Variants in COPA observed in about 807,000 individuals in gnomAD.
The protein encoded by COPA is coat protein complex I subunit alpha.
In COPA, 10 loss-of-function variants were observed where a neutral mutation model predicts 158.7. That is an observed-to-expected ratio of 0.06 (90% CI 0.04 to 0.11). The LOEUF (loss-of-function observed/expected upper bound fraction) is 0.11. Among genes scored for constraint, COPA ranks in the 10% least tolerant of loss-of-function variants. COPA has a pLI of 1.00. For missense variants in COPA, 1,065 were observed against 1,536.7 expected (o/e 0.69, Z 5.13); for synonymous variants, 462 against 542.8 (o/e 0.85, Z 2.07).
rs1466873949 is a variant in COPA, at chr1:160,294,466, G to A, written c.2676+18C>T. ...GGAGATACGGAGAGAACCTTCTAAG[G>A]GTACAAATTCCACATACCAGCTCAG... On this transcript the variant is annotated intron_variant, in intron 25 of 32. Transcript: ENST00000241704. The A allele has an allele frequency of 1.2e-6, 2 of 1,606,686 alleles. No homozygotes were observed. The highest frequency in any genetic ancestry group is 4.5e-5 in the East Asian group (2 of 44,848).
rs1263561347 is a variant in COPA, at chr1:160,305,500, C to A, written c.1600G>T (p.Ala534Ser). The A allele has an allele frequency of 6.2e-7, 1 of 1,614,166 alleles. No homozygotes were observed. The highest frequency in any genetic ancestry group is 1.1e-5 in the South Asian group (1 of 91,086). The part of the protein sequence containing the change: ...IHENIRVKSG[A>S]WDESGVFIYT... ...ATAAATACCCCACTCTCATCCCAGG[C>A]CCCACTCTTGACACGAATGTTCTCA... is the stretch of plus-strand genomic sequence containing the variant. The change falls in exon 17 of 33, where the codon GCC becomes TCC. Residue 534 changes from alanine (A) to serine (S), a missense_variant. Coordinates refer to ENST00000241704, the MANE Select transcript of COPA (RefSeq NM_004371.4).
intron 8 of COPA, among the ~76,000 whole-genome samples, chr1:160,315,668 A>T (rs1336058671): frequency 6.6e-6 from 1 of 152,218 alleles, no homozygotes; most frequent in Non-Finnish European, 1.5e-5. Context: ...AGCAAGCCAA[A>T]CAGAGAAAAC....
chr1:160,335,397 T>C, intron 3 of COPA, 75 bp from the exon 4 acceptor site: 4 of 1,172,322 alleles, frequency 3.4e-6, no homozygotes, highest in Non-Finnish European at 4.8e-6. Flanking sequence ...TTGATATCTT[T>C]ACAGAGATAG....
chr1:160,313,478 G>A lies in COPA; in HGVS notation c.843-311C>T, dbSNP rs538337425. Among the ~76,000 whole-genome samples, 437 of 151,696 alleles carry A rather than the reference G, an allele frequency of 2.9e-3. 1 individual carries two copies. Among genetic ancestry groups the A allele is most frequent in the Non-Finnish European group, 4.9e-3 (336 of 67,968 alleles). Reference sequence around the variant, plus strand: ...TGCCCAGGCTGGAGTGCAGTGGCGCGATCTCGGCTCACTGCAAGCTCCACC... The same window carrying A: ...TGCCCAGGCTGGAGTGCAGTGGCGCAATCTCGGCTCACTGCAAGCTCCACC... On this transcript the variant is annotated intron_variant, in intron 9 of 32. Transcript: ENST00000241704.
chr1:160,305,257 A>T, intron 17 of COPA, 176 bp downstream of exon 17: 1 of 564,926 alleles, frequency 1.8e-6, no homozygotes, highest in Non-Finnish European at 3.1e-6. Flanking sequence ...TTTGTTTTAG[A>T]TTTCTCAATT....
intron 4 of COPA, among the ~76,000 whole-genome samples, chr1:160,334,553 AAAT>A (rs1647673194): frequency 1.3e-5 from 2 of 152,346 alleles, no homozygotes; most frequent in Middle Eastern, 3.4e-3. Flanking sequence ...TTAAAAAAAG[AAAT>A]AATATATACT....
At chr1:160,317,645 T>G in intron 8 of COPA, 1 of 1,528,656 alleles carries the variant, frequency 6.5e-7, no homozygotes, top group South Asian at 1.1e-5. Context: ...GAACTGGGAA[T>G]GGAGGAAGAA....
chr1:160,295,867 G>A lies in COPA; in HGVS notation c.2353-8C>T. On this transcript the variant is annotated splice_polypyrimidine_tract_variant and splice_region_variant and intron_variant, in intron 22 of 32. Transcript: ENST00000241704. Reference sequence around the variant, plus strand: ...AGGGTCAATGTCTGGGATCTGAATAGTAGAAGAAAAGAGGCTAAAAACAAA... The same window carrying A: ...AGGGTCAATGTCTGGGATCTGAATAATAGAAGAAAAGAGGCTAAAAACAAA... The A allele has an allele frequency of 1.9e-6, 3 of 1,598,268 alleles. No homozygotes were observed. The highest frequency in any genetic ancestry group is 2.6e-6 in the Non-Finnish European group (3 of 1,175,648).
At chr1:160,319,577 A>G (rs1443451734) in intron 8 of COPA, among the ~76,000 whole-genome samples, 1 of 150,986 alleles carries the variant, frequency 6.6e-6, no homozygotes, top group Non-Finnish European at 1.5e-5. Flanking sequence ...ACGGCTACAG[A>G]ATATTCTTTT....
Position 160,298,983 on chromosome 1 carries a change from G to A in COPA, c.1839C>T (p.His613=), listed in dbSNP as rs1343159450. Residue 613 remains histidine, a synonymous_variant, in exon 19 of 33, where the codon CAC becomes CAT. Transcript: ENST00000241704. ...CAACTAGTTTGGCATTCCTCACCAT[G>A]TGCAGTACCTAGACATTTGGGGTGG... is the stretch of plus-strand genomic sequence containing the variant. ...LINRKYDEVL[H]MVRNAKLVGQ... The A allele has an allele frequency of 1.2e-6, 2 of 1,613,966 alleles. No individual in the cohort carries two copies. The highest frequency in any genetic ancestry group is 1.7e-6 in the Non-Finnish European group (2 of 1,179,994).
intron 5 of COPA, 97 bp from the exon 6 acceptor site, chr1:160,332,654 G>T: frequency 1.3e-6 from 1 of 753,906 alleles, no homozygotes; most frequent in Non-Finnish European, 2.0e-6. Context: ...TGCTTATCCA[G>T]TTTTACTTTT....
At chr1:160,311,198 T>C (rs1389221374) in intron 11 of COPA, among the ~76,000 whole-genome samples, 2 of 151,800 alleles carry the variant, frequency 1.3e-5, no homozygotes, top group African/African-American at 2.4e-5. Context: ...CCCAGAACTT[T>C]GGGAGGCCGA....
At chr1:160,320,777 T>A (rs1659306869) in intron 8 of COPA, among the ~76,000 whole-genome samples, 3 of 105,020 alleles carry the variant, frequency 2.9e-5, no homozygotes, top group Non-Finnish European at 1.9e-5. Flanking sequence ...TTAATGCCAA[T>A]CCTATTCAAA....
chr1:160,313,033 G>A, intron 10 of COPA, 52 bp downstream of exon 10: 1 of 1,500,458 alleles, frequency 6.7e-7, no homozygotes, highest in South Asian at 1.2e-5. Context: ...TCACTTTCAA[G>A]ACTTATAAAC....
Position 160,290,120 on chromosome 1 carries a change from A to G in COPA, c.*37T>C, listed in dbSNP as rs778517512. 1 of 1,601,414 alleles carries G rather than the reference A, an allele frequency of 6.2e-7. No individual in the cohort carries two copies. The highest frequency in any genetic ancestry group is 1.1e-5 in the South Asian group (1 of 90,672). ...GGATATAGACACATTCTCTGGGGGG[A>G]ACATATGGTGACTGACCCATGCACA... is the stretch of plus-strand genomic sequence containing the variant. On this transcript the variant is annotated 3_prime_UTR_variant, in exon 33 of 33. Transcript: ENST00000241704.
At chr1:160,340,517 T>TA (rs1197313600) in intron 1 of COPA, among the ~76,000 whole-genome samples, 1 of 152,242 alleles carries the variant, frequency 6.6e-6, no homozygotes, top group Non-Finnish European at 1.5e-5. Flanking sequence ...AGGATACAAT[T>TA]AAGTTACTTG....
At position 160,307,214 on chromosome 1, in the gene COPA, T is replaced by C; in HGVS notation, c.1251A>G (p.Thr417=). ...APEGKRSSGL[T]AVWVARNRFA... ...ACCGATTTCGAGCGACCCAAACGGC[T>C]GTCAGGCCTGAGGATCGTTTCCCTT... The change falls in exon 14 of 33, where the codon ACA becomes ACG. Residue 417 remains threonine (T), a synonymous_variant. Coordinates refer to ENST00000241704, the MANE Select transcript of COPA (RefSeq NM_004371.4). The C allele has an allele frequency of 2.5e-6, 4 of 1,614,192 alleles. No homozygotes were observed. Among genetic ancestry groups the C allele is most frequent in the Non-Finnish European group, 3.4e-6 (4 of 1,180,012 alleles).
At chr1:160,302,920 C>A (rs891569232) in intron 17 of COPA, among the ~76,000 whole-genome samples, 1 of 152,174 alleles carries the variant, frequency 6.6e-6, no homozygotes, top group African/African-American at 2.4e-5. Flanking sequence ...TGCCTGCAAT[C>A]CCAGCACTTT....
At chr1:160,292,397 G>C (rs936727974) in intron 28 of COPA, 87 bp downstream of exon 28, 4 of 1,599,284 alleles carry the variant, frequency 2.5e-6, no homozygotes, top group Middle Eastern at 1.7e-4. Context: ...CTAGCTCTGA[G>C]AGAATTCTGA....
Sources: allele counts gnomAD v4.1 joint callset (sites outside exome capture counted in the v4.1 genomes callset), GRCh38; gene constraint gnomAD v4.1.1; transcripts MANE v1.5; gene names NCBI Gene and HGNC (gene_info 2026-07-23, HGNC 2026-07-21).